SLCO1C1: variants seen among roughly 807,000 people sequenced by gnomAD.
The protein encoded by SLCO1C1 is solute carrier organic anion transporter family member 1C1.
A neutral mutation model predicts 76.4 loss-of-function variants in SLCO1C1; 70 were observed. The ratio of observed to expected loss-of-function variants is 0.92; its 90% CI spans 0.76 to 1.12. The LOEUF (loss-of-function observed/expected upper bound fraction) is 1.12, where lower values mean the gene tolerates loss of function less well. Among genes scored for constraint, SLCO1C1 ranks in the 50% most tolerant of loss-of-function variants. The pLI is 0.00. For synonymous variants in SLCO1C1, 306 were observed against 286.1 expected (o/e 1.07, Z -0.70); for missense variants, 912 against 823.8 (o/e 1.11, Z -1.31).
chr12:20,748,701 T>G (rs1949158985), intron 13 of SLCO1C1, among the ~76,000 whole-genome samples: 1 of 152,210 alleles, frequency 6.6e-6, no homozygotes, highest in Non-Finnish European at 1.5e-5. Context: ...TTGTGACATT[T>G]ATATTTTTTT....
intron 2 of SLCO1C1, among the ~76,000 whole-genome samples, chr12:20,700,572 A>G (rs1250496440): frequency 6.6e-6 from 1 of 151,814 alleles, no homozygotes; most frequent in African/African-American, 2.4e-5. Flanking sequence ...TACATTAGGT[A>G]TATCTCCTAA....
At chr12:20,750,601 T>A in intron 13 of SLCO1C1, 74 bp from the exon 14 acceptor site, 1 of 1,325,846 alleles carries the variant, frequency 7.5e-7, no homozygotes, top group Non-Finnish European at 1.1e-6. Context: ...TTAAAGTAAG[T>A]GGTTTCAGAT....
chr12:20,740,302 T>A lies in SLCO1C1; in HGVS notation c.1667T>A (p.Val556Glu). Residue 556 changes from valine (V) to glutamate (E), a missense_variant, in exon 12 of 15, where the codon GTA becomes GAA. Coordinates refer to ENST00000266509, the MANE Select transcript of SLCO1C1 (RefSeq NM_017435.5). ...GCPQMFLYFL[V>E]ISVITSYTLS... ...CCCCAAATGTTTCTGTATTTCCTTG[T>A]AATTTCAGTCATCACATCCTATACT... 1 of 1,614,014 alleles carries A rather than the reference T, an allele frequency of 6.2e-7. No homozygotes were observed. The highest frequency in any genetic ancestry group is 1.1e-5 in the South Asian group (1 of 91,070).
rs1555138845 is a variant in SLCO1C1 at position 20,740,781 on chromosome 12, T to TATA, written c.1733+413_1733+414insATA. Among the ~76,000 whole-genome samples, 8 of 16,822 alleles carry TATA rather than the reference T, an allele frequency of 4.8e-4. No homozygotes were observed. In the South Asian group the frequency reaches 0.01, roughly 21 times the overall value. The allele number at this position is 16,822 out of a possible 152,430, so 11.0% of individuals were successfully genotyped here. On this transcript the variant is annotated intron_variant, in intron 12 of 14. Coordinates refer to ENST00000266509, the MANE Select transcript of SLCO1C1 (RefSeq NM_017435.5). ...TCTAATACAACAATGTTAGAATTTA[T>TATA]TTTATTTATATATATATATATATAT...
At chr12:20,733,527 A>G (rs904027253) in intron 10 of SLCO1C1, among the ~76,000 whole-genome samples, 13 of 152,210 alleles carry the variant, frequency 8.5e-5, no homozygotes, top group Non-Finnish European at 1.5e-4. Flanking sequence ...GCTAACATAC[A>G]TGAAAGTGAA....
intron 1 of SLCO1C1, 144 bp from the exon 2 acceptor site, chr12:20,699,408 A>G (rs1199812756): frequency 1.1e-5 from 7 of 643,234 alleles, no homozygotes; most frequent in Non-Finnish European, 1.7e-5. Flanking sequence ...ATTTTAATTG[A>G]AAACATTTGC....
chr12:20,698,000 A>G (rs1946342312), intron 1 of SLCO1C1, among the ~76,000 whole-genome samples: 1 of 152,042 alleles, frequency 6.6e-6, no homozygotes, highest in Admixed American at 6.6e-5. Context: ...TTTAGGGAAT[A>G]GTTTCAGAGT....
intron 11 of SLCO1C1, among the ~76,000 whole-genome samples, chr12:20,738,922 C>G (rs1948675514): frequency 1.3e-5 from 2 of 152,016 alleles, no homozygotes; most frequent in African/African-American, 4.8e-5. Context: ...TACAAAAAAT[C>G]TATATTGCCA....
chr12:20,706,102 T>C (rs774332229), intron 4 of SLCO1C1, 21 bp downstream of exon 4: 2 of 1,583,780 alleles, frequency 1.3e-6, no homozygotes, highest in South Asian at 2.3e-5. Context: ...AGCAATCATC[T>C]TTTCCTTGCC....
chr12:20,735,213 T>G (rs1049640599), intron 10 of SLCO1C1, among the ~76,000 whole-genome samples: 1 of 152,200 alleles, frequency 6.6e-6, no homozygotes, highest in East Asian at 1.9e-4. Context: ...GAATATTCAA[T>G]AGGAAAACTG....
At chr12:20,721,020 G>C (rs1457936011) in intron 7 of SLCO1C1, among the ~76,000 whole-genome samples, 4 of 114,470 alleles carry the variant, frequency 3.5e-5, no homozygotes, top group Non-Finnish European at 5.7e-5. Context: ...AAAAAAAAAA[G>C]CTTAAACAGA....
At position 20,710,471 on chromosome 12, in the gene SLCO1C1, C is replaced by G. The variant is rs183610068; in HGVS notation, c.405-915C>G. Reference sequence around the variant, plus strand: ...GTTTTCTTACCAGATACCTCTTCCCCAAGGGGTACAAAGAGTGTGGAGAAC... The same window carrying G: ...GTTTTCTTACCAGATACCTCTTCCCGAAGGGGTACAAAGAGTGTGGAGAAC... On this transcript the variant is annotated intron_variant, in intron 4 of 14. Coordinates refer to ENST00000266509, the MANE Select transcript of SLCO1C1 (RefSeq NM_017435.5). Among the ~76,000 whole-genome samples the G allele has an allele frequency of 4.6e-5, 7 of 152,146 alleles. No individual in the cohort carries two copies. The East Asian group carries it at 1.4e-3, about 30-fold the overall frequency.
intron 1 of SLCO1C1, among the ~76,000 whole-genome samples, chr12:20,696,282 C>T (rs1032162250): frequency 6.6e-6 from 1 of 152,104 alleles, no homozygotes; most frequent in Non-Finnish European, 1.5e-5. Flanking sequence ...AGGGAGGCAT[C>T]CTGGTGTCCA....
At chr12:20,702,390 C>T (rs977472919) in intron 3 of SLCO1C1, among the ~76,000 whole-genome samples, 1 of 151,764 alleles carries the variant, frequency 6.6e-6, no homozygotes, top group African/African-American at 2.4e-5. Context: ...GCATTTGCTT[C>T]CCAAATTCAT....
chr12:20,717,117 C>G lies in SLCO1C1; in HGVS notation c.677-15C>G. On this transcript the variant is annotated splice_polypyrimidine_tract_variant and intron_variant, in intron 6 of 14. Transcript: ENST00000266509. ...ATGACAGCTTTTTTTTTTTCCTTTT[C>G]TTTTCTTGGTGCAGGGTGTGTGCAG... The G allele has an allele frequency of 6.4e-7, 1 of 1,555,424 alleles. No individual in the cohort carries two copies. The highest frequency in any genetic ancestry group is 2.0e-5 in the Admixed American group (1 of 50,168).
intron 13 of SLCO1C1, among the ~76,000 whole-genome samples, chr12:20,746,967 T>C (rs1449013846): frequency 4.6e-5 from 7 of 151,986 alleles, no homozygotes; most frequent in Admixed American, 3.3e-4. Context: ...AAAACTTGAA[T>C]ATGTACTACA....
rs1946223329 is a variant in SLCO1C1 at position 20,695,341 on chromosome 12, C to A, written c.-492C>A. 6.6e-6 allele frequency: 1 copy of A among 152,170 alleles called. No homozygotes were observed. The highest frequency in any genetic ancestry group is 2.1e-4 in the South Asian group (1 of 4,836). 9.4% of individuals were successfully genotyped at this position (152,170 alleles called of 1,614,324 possible). Reference sequence around the variant, plus strand: ...TCCTCTGGCTTCTGTTCCTTACCCTCTGCCCCCTGCGGAGTTGTGTTTTCT... The same window carrying A: ...TCCTCTGGCTTCTGTTCCTTACCCTATGCCCCCTGCGGAGTTGTGTTTTCT... On this transcript the variant is annotated 5_prime_UTR_variant, in exon 1 of 15. The change creates a new upstream start codon in the 5' untranslated region. Coordinates refer to ENST00000266509, the MANE Select transcript of SLCO1C1 (RefSeq NM_017435.5).
In SLCO1C1 at chr12:20,743,939, G is replaced by A. The variant is rs1178363508; in HGVS notation, c.1798+570G>A. Among the ~76,000 whole-genome samples, 5 of 151,684 alleles carry A rather than the reference G, an allele frequency of 3.3e-5. No homozygotes were observed. In the East Asian group the frequency reaches 5.8e-4, roughly 18 times the overall value. On this transcript the variant is annotated intron_variant, in intron 13 of 14. Coordinates refer to ENST00000266509, the MANE Select transcript of SLCO1C1 (RefSeq NM_017435.5). The stretch of plus-strand genomic sequence containing the variant: ...AAAACCTATAGAAAACAGTGAATGA[G>A]ACAAAGTTTTTATCCTTAAAGAGTT...
intron 6 of SLCO1C1, among the ~76,000 whole-genome samples, chr12:20,716,773 A>G (rs1947377444): frequency 6.6e-6 from 1 of 152,196 alleles, no homozygotes; most frequent in African/African-American, 2.4e-5. Flanking sequence ...GCTTAACTGA[A>G]CGTAAAATGT....
Sources: gnomAD v4.1 joint callset for allele counts (sites outside exome capture counted in the v4.1 genomes callset) on GRCh38, gnomAD v4.1.1 for gene constraint, MANE v1.5 for transcripts, NCBI Gene and HGNC (gene_info 2026-07-23, HGNC 2026-07-21) for gene names.